DGKD: variants seen among roughly 807,000 people sequenced by gnomAD.
DGKD encodes diacylglycerol kinase delta.
DGKD carries 68 observed loss-of-function variants against 154.4 expected under a neutral mutation model. The ratio of observed to expected loss-of-function variants is 0.44; its 90% CI spans 0.36 to 0.54. DGKD has a LOEUF of 0.54. DGKD is among the 20% of genes least tolerant of loss of function. The probability of loss-of-function intolerance (pLI) is 0.00; values close to 1 mark genes in which losing one functional copy is unlikely to be tolerated. For missense variants in DGKD, 1,343 were observed against 1,593.6 expected, an observed-to-expected ratio of 0.84 and a Z score of 2.68; for synonymous variants, 693 against 638.0, an observed-to-expected ratio of 1.09 and a Z score of -1.30.
At chr2:233,463,422 C>A (rs1199341946) in intron 26 of DGKD, among the ~76,000 whole-genome samples, 1 of 141,390 alleles carries the variant, frequency 7.1e-6, no homozygotes, top group Non-Finnish European at 1.5e-5. Context: ...TCTCCTCACT[C>A]CACGCATCTC....
At chr2:233,419,202 C>T (rs1046455264) in intron 3 of DGKD, 27 of 984,870 alleles carry the variant, frequency 2.7e-5, no homozygotes, top group Non-Finnish European at 3.3e-5. Context: ...AGAGTGTTTC[C>T]GAGTGCCTCA....
intron 1 of DGKD, among the ~76,000 whole-genome samples, chr2:233,387,088 G>A (rs779724845): frequency 6.6e-6 from 1 of 152,252 alleles, no homozygotes; most frequent in Admixed American, 6.5e-5. Flanking sequence ...AACAGGCAGC[G>A]CAGTGTTCTG....
chr2:233,466,367 C>T (rs2063822870), intron 27 of DGKD, among the ~76,000 whole-genome samples: 1 of 151,596 alleles, frequency 6.6e-6, no homozygotes, highest in African/African-American at 2.4e-5. Context: ...TTATTGGGTA[C>T]CCATAGGTTT....
At chr2:233,374,628 C>T (rs1702477820) in intron 1 of DGKD, among the ~76,000 whole-genome samples, 1 of 151,592 alleles carries the variant, frequency 6.6e-6, no homozygotes, top group African/African-American at 2.4e-5. Context: ...AGCCATAGCA[C>T]CTGACAATTT....
At chr2:233,367,512 A>G (rs1025122151) in intron 1 of DGKD, among the ~76,000 whole-genome samples, 1 of 152,168 alleles carries the variant, frequency 6.6e-6, no homozygotes, top group Non-Finnish European at 1.5e-5. Context: ...GACAGGCATG[A>G]GCCACCGCAC....
At chr2:233,413,074 C>G (rs892656040) in intron 3 of DGKD, among the ~76,000 whole-genome samples, 1 of 152,074 alleles carries the variant, frequency 6.6e-6, no homozygotes, top group Admixed American at 6.6e-5. Flanking sequence ...TTCTTCCTTT[C>G]TGCCTTTGTC....
At chr2:233,467,038 G>T in intron 27 of DGKD, 48 bp from the exon 28 acceptor site, 1 of 1,455,280 alleles carries the variant, frequency 6.9e-7, no homozygotes, top group African/African-American at 1.4e-5. Flanking sequence ...GCATGAGGCC[G>T]TGATCAGTTG....
Position 233,449,491 on chromosome 2 carries a change from C to G in DGKD, c.1888+115C>G, listed in dbSNP as rs72980358. 289 of 1,374,600 alleles carry G rather than the reference C, an allele frequency of 2.1e-4. 2 individuals are homozygous for G. The Middle Eastern group carries it at 2.9e-3, about 14-fold the overall frequency. The allele number at this position is 1,374,600 out of a possible 1,614,324, so 85.2% of individuals were successfully genotyped here. A position where few individuals can be genotyped will look rare whatever the true frequency, so the allele number is the denominator to read the frequency against. Reference sequence around the variant, plus strand: ...CATGTTGAGAAAACCTCCACTGCGGCCCTCTCCACCCATGTCCAGGCACCA... The same window carrying G: ...CATGTTGAGAAAACCTCCACTGCGGGCCTCTCCACCCATGTCCAGGCACCA... On this transcript the variant is annotated intron_variant, in intron 15 of 29. Coordinates refer to ENST00000264057, the MANE Select transcript of DGKD (RefSeq NM_152879.3). This position sits in a 1 kb window ranked among gnomAD's most constrained non-coding sequence, Gnocchi z 5.3.
chr2:233,420,493 T>G (rs761192928), intron 3 of DGKD, among the ~76,000 whole-genome samples: 1 of 152,240 alleles, frequency 6.6e-6, no homozygotes, highest in Non-Finnish European at 1.5e-5. Context: ...GGGGGCATCC[T>G]AACTTTGGTG....
chr2:233,419,288 C>T (rs960203449), intron 3 of DGKD: 8 of 985,454 alleles, frequency 8.1e-6, no homozygotes, highest in South Asian at 4.7e-5. Flanking sequence ...GCTGCTCCAG[C>T]GTTCCTGCTC....
intron 3 of DGKD, among the ~76,000 whole-genome samples, chr2:233,417,510 CT>C (rs2061988631): frequency 6.6e-6 from 1 of 152,114 alleles, no homozygotes; most frequent in Non-Finnish European, 1.5e-5. Flanking sequence ...CTTCTTTTTA[CT>C]TTTATTGTGC....
intron 11 of DGKD, among the ~76,000 whole-genome samples, chr2:233,446,247 C>T (rs1055032795): frequency 6.6e-6 from 1 of 152,256 alleles, no homozygotes; most frequent in Non-Finnish European, 1.5e-5. Context: ...GACCACATGC[C>T]TGTGGCACAT....
At chr2:233,408,165 C>T (rs1483167898) in intron 3 of DGKD, among the ~76,000 whole-genome samples, 1 of 151,292 alleles carries the variant, frequency 6.6e-6, no homozygotes, top group African/African-American at 2.5e-5. Flanking sequence ...GCCTCAGCCT[C>T]CCAAGTAGCT....
At chr2:233,364,883 AAAAC>A (rs1701949737) in intron 1 of DGKD, among the ~76,000 whole-genome samples, 1 of 152,196 alleles carries the variant, frequency 6.6e-6, no homozygotes, top group Non-Finnish European at 1.5e-5. Context: ...AGATACGTTT[AAAAC>A]ATAAGGATAT....
chr2:233,436,735 G>C (rs1017852696), intron 7 of DGKD, among the ~76,000 whole-genome samples: 1 of 152,270 alleles, frequency 6.6e-6, no homozygotes, highest in Non-Finnish European at 1.5e-5. Context: ...GGTCACCTGG[G>C]ACAATTGAGC....
At position 233,470,548 on chromosome 2, in the gene DGKD, CCTCTGTCCTGG is replaced by C. The variant is rs1033685398; in HGVS notation, c.*1094_*1104del. 2.6e-5 allele frequency: 4 copies of C among 152,480 alleles called. No homozygotes were observed. Among genetic ancestry groups the C allele is most frequent in the African/African-American group, 7.2e-5 (3 of 41,428 alleles). 9.4% of individuals were successfully genotyped at this position (152,480 alleles called of 1,614,324 possible). On this transcript the variant is annotated 3_prime_UTR_variant, in exon 30 of 30. Transcript: ENST00000264057. ...GGTGGTCCGCGCTGCCCCTGCCCTGCCTCTGTCCTGGCTCTGAACTAGTAGATGATGGTGCC... is the reference window on the plus strand; with the variant it reads ...GGTGGTCCGCGCTGCCCCTGCCCTGCCTCTGAACTAGTAGATGATGGTGCC...
chr2:233,411,114 T>C (rs1160439111), intron 3 of DGKD, among the ~76,000 whole-genome samples: 2 of 152,256 alleles, frequency 1.3e-5, no homozygotes, highest in African/African-American at 4.8e-5. Context: ...ATTTAGGTAG[T>C]TTCTAGTTTT....
intron 3 of DGKD, among the ~76,000 whole-genome samples, 177 bp downstream of exon 3, chr2:233,390,660 G>A (rs556177148): frequency 7.6e-4 from 116 of 152,312 alleles, no homozygotes; most frequent in Middle Eastern, 3.4e-3. Context: ...GAATAACCAA[G>A]AATTTGGCAT....
chr2:233,454,383 G>A (rs1331894993), intron 18 of DGKD: 1 of 472,930 alleles, frequency 2.1e-6, no homozygotes. Context: ...CAGAGCCCAC[G>A]ACCGCATGAT....
Sources: allele counts gnomAD v4.1 joint callset (sites outside exome capture counted in the v4.1 genomes callset), GRCh38; gene constraint gnomAD v4.1.1; non-coding constraint Gnocchi (gnomAD v3.1); transcripts MANE v1.5; gene names NCBI Gene and HGNC (gene_info 2026-07-23, HGNC 2026-07-21).